The following CORO7 variants were observed in gnomAD, a reference collection of about 807,000 sequenced individuals.
The protein encoded by CORO7 is coronin 7.
In CORO7, 107 loss-of-function variants were observed where a neutral mutation model predicts 126.6. The ratio of observed to expected loss-of-function variants is 0.85; its 90% confidence interval spans 0.72 to 0.99. The LOEUF (loss-of-function observed/expected upper bound fraction) is 0.99, where lower values mean the gene tolerates loss of function less well. CORO7 is among the 50% of genes least tolerant of loss of function. CORO7 has a pLI of 0.00. For synonymous variants in CORO7, 603 were observed against 536.8 expected (o/e 1.12, Z -1.70); for missense variants, 1,314 against 1,255.8 (o/e 1.05, Z -0.70).
chr16:4,365,416 T>A lies in CORO7; in HGVS notation c.840+75A>T. 3 of 1,542,012 alleles carry A rather than the reference T, an allele frequency of 1.9e-6. No homozygotes were observed. The South Asian group carries it at 3.6e-5, about 19-fold the overall frequency. On this transcript the variant is annotated intron_variant, in intron 10 of 27. Transcript: ENST00000251166. ...GACACAGAGGCCCTGTTCGAGTTCC[T>A]CCTCTCTCTTGGGGAAGGCCAGGGG...
intron 3 of CORO7, 103 bp downstream of exon 3, chr16:4,412,253 C>T (rs1300917059): frequency 5.4e-5 from 71 of 1,308,728 alleles, no homozygotes; most frequent in Non-Finnish European, 7.5e-5. Flanking sequence ...CAGGAGGGAC[C>T]TGGCAAGCCA....
Position 4,416,475 on chromosome 16 carries a change from C to T in CORO7, c.44G>A (p.Arg15Gln). 1 of 1,577,062 alleles carries T rather than the reference C, an allele frequency of 6.3e-7. No homozygotes were observed. Among genetic ancestry groups the T allele is most frequent in the Non-Finnish European group, 8.6e-7 (1 of 1,165,184 alleles). ...CGGACTCACCTCGCGGCGGGGCGGCCGAGCCTCGGTGTGCCGGAACTTGGA... is the reference window on the plus strand; with the variant it reads ...CGGACTCACCTCGCGGCGGGGCGGCTGAGCCTCGGTGTGCCGGAACTTGGA... ...RVSKFRHTEA[R>Q]PPRRESWISD... Residue 15 changes from arginine (R) to glutamine (Q), a missense_variant, in exon 1 of 28, where the codon CGG becomes CAG. Transcript: ENST00000251166.
At position 4,388,635 on chromosome 16, in the gene CORO7, C is replaced by T. The variant is rs2055279362; in HGVS notation, c.616-4G>A. The T allele has an allele frequency of 1.9e-6, 3 of 1,609,918 alleles. No homozygotes were observed. The highest frequency in any genetic ancestry group is 2.2e-5 in the South Asian group (2 of 90,228). ...TGTTCTCATGGGCCTGCGTGCTCTGCAGGAGGCAAGAGGTGGACCTGAGCC... is the reference window on the plus strand; with the variant it reads ...TGTTCTCATGGGCCTGCGTGCTCTGTAGGAGGCAAGAGGTGGACCTGAGCC... On this transcript the variant is annotated splice_polypyrimidine_tract_variant and splice_region_variant and intron_variant, in intron 7 of 27. Transcript: ENST00000251166.
At chr16:4,376,241 C>T (rs918607532) in intron 9 of CORO7, among the ~76,000 whole-genome samples, 7 of 152,216 alleles carry the variant, frequency 4.6e-5, no homozygotes, top group African/African-American at 7.2e-5. Context: ...CGGACCCAGC[C>T]GGGCCCTGAG....
At chr16:4,403,967 C>G (rs1322727893) in intron 6 of CORO7, among the ~76,000 whole-genome samples, 2 of 152,186 alleles carry the variant, frequency 1.3e-5, no homozygotes, top group Admixed American at 1.3e-4. Flanking sequence ...GGTCAAAGCA[C>G]GCATACCAGG....
In CORO7 at chr16:4,362,867, C is replaced by G. The variant is rs740375; in HGVS notation, c.1276-129G>C. The G allele has an allele frequency of 0.56, 651,964 of 1,153,978 alleles. 185,907 individuals are homozygous for G. Among genetic ancestry groups the G allele is most frequent in the African/African-American group, 0.68 (42,396 of 62,704 alleles). 71.5% of individuals were successfully genotyped at this position (1,153,978 alleles called of 1,614,324 possible). ...TGGAGGAGCCCCCACTGTGGGCATG[C>G]GACAGGAGCGGCGGGGGGCACGGGC... is the stretch of plus-strand genomic sequence containing the variant. On this transcript the variant is annotated intron_variant, in intron 14 of 27. Coordinates refer to ENST00000251166, the MANE Select transcript of CORO7 (RefSeq NM_024535.5). This position sits in a 1 kb window ranked among gnomAD's most constrained non-coding sequence, Gnocchi z 5.3.
intron 1 of CORO7, chr16:4,413,634 T>A (rs1231515245): frequency 2.4e-6 from 1 of 423,888 alleles, no homozygotes; most frequent in African/African-American, 2.1e-5. Context: ...GCCTCTTGGG[T>A]TCAAGTGATC....
At chr16:4,376,464 G>A (rs918542588) in intron 9 of CORO7, among the ~76,000 whole-genome samples, 10 of 152,182 alleles carry the variant, frequency 6.6e-5, no homozygotes, top group Non-Finnish European at 1.5e-4. Flanking sequence ...GAAGCATACG[G>A]CACAGGAGGG....
chr16:4,365,248 G>A (rs2054311479), intron 10 of CORO7, among the ~76,000 whole-genome samples, 188 bp from the exon 11 acceptor site: 2 of 152,192 alleles, frequency 1.3e-5, no homozygotes, highest in Non-Finnish European at 1.5e-5. Flanking sequence ...GCTCAGCCTC[G>A]TTGCACATGG....
Position 4,365,061 on chromosome 16 carries a change from C to T in CORO7, c.841-1G>A. On this transcript the variant is annotated splice_acceptor_variant, in intron 10 of 27. Coordinates refer to ENST00000251166, the MANE Select transcript of CORO7 (RefSeq NM_024535.5). LOFTEE classifies it high-confidence loss of function. ...CGTAACAGTACAGCTGCCTCTCGCC[C>T]TGAAATGAGTCTGAACTGAGCCCCG... The T allele has an allele frequency of 1.9e-6, 3 of 1,597,252 alleles. No individual in the cohort carries two copies. Among genetic ancestry groups the T allele is most frequent in the Non-Finnish European group, 2.6e-6 (3 of 1,172,078 alleles).
In CORO7 at chr16:4,354,728, G is replaced by A. The variant is rs139882114; in HGVS notation, c.*430C>T. Reference sequence around the variant, plus strand: ...CTGGTGCTGCTCTAGAAGGCCTGGTGGGGGGCCAGCCCCCAAGGCCCTTGA... The same window carrying A: ...CTGGTGCTGCTCTAGAAGGCCTGGTAGGGGGCCAGCCCCCAAGGCCCTTGA... On this transcript the variant is annotated 3_prime_UTR_variant, in exon 28 of 28. Coordinates refer to ENST00000251166, the MANE Select transcript of CORO7 (RefSeq NM_024535.5). The A allele has an allele frequency of 6.0e-3, 1,171 of 195,972 alleles. 20 individuals carry two copies. Among genetic ancestry groups the A allele is most frequent in the African/African-American group, 0.025 (1,095 of 43,328 alleles). 12.1% of individuals were successfully genotyped at this position (195,972 alleles called of 1,614,324 possible).
intron 3 of CORO7, among the ~76,000 whole-genome samples, 163 bp downstream of exon 3, chr16:4,412,193 G>A (rs540689710): frequency 1.4e-4 from 21 of 152,280 alleles, no homozygotes; most frequent in African/African-American, 4.6e-4. Flanking sequence ...TACACCAGGA[G>A]GAAGCCTTCT....
At chr16:4,355,757 C>T (rs765143867) in intron 26 of CORO7, 29 of 201,110 alleles carry the variant, frequency 1.4e-4, no homozygotes, top group Admixed American at 3.7e-4. Context: ...GCGTGAGCCA[C>T]AGCGCCCGGC....
At chr16:4,372,167 C>G (rs1459420119) in intron 9 of CORO7, among the ~76,000 whole-genome samples, 1 of 151,968 alleles carries the variant, frequency 6.6e-6, no homozygotes, top group Non-Finnish European at 1.5e-5. Context: ...TACGCTCCCT[C>G]CCCCGCCGTC....
At position 4,358,087 on chromosome 16, in the gene CORO7, TC is replaced by T; in HGVS notation, c.2473del (p.Asp825MetfsTer9). 6.2e-7 allele frequency: 1 copy of T among 1,612,242 alleles called. No homozygotes were observed. The highest frequency in any genetic ancestry group is 8.5e-7 in the Non-Finnish European group (1 of 1,178,846). On this transcript the variant is annotated frameshift_variant, in exon 25 of 28. Transcript: ENST00000251166. LOFTEE classifies it high-confidence loss of function. ...CACAGCCGTGTCTGGGAACACGTCATCCTGGAAGAACTCTTTCTGCAGAGGG... is the reference window on the plus strand; with the variant it reads ...CACAGCCGTGTCTGGGAACACGTCATCTGGAAGAACTCTTTCTGCAGAGGG... ...LPRVRKEFFQ[D>X]DVFPDTAVIW...
At chr16:4,355,425 C>T in intron 26 of CORO7, 53 bp from the exon 27 acceptor site, 1 of 1,560,738 alleles carries the variant, frequency 6.4e-7, no homozygotes, top group Non-Finnish European at 8.7e-7. Context: ...TCCCTGTTCC[C>T]TCTCCCACTC....
chr16:4,377,032 G>A (rs557049153), intron 9 of CORO7, among the ~76,000 whole-genome samples: 2 of 152,212 alleles, frequency 1.3e-5, no homozygotes, highest in Admixed American at 6.5e-5. Context: ...CAGGCACCAC[G>A]AGCACCACGA....
At chr16:4,381,801 G>A (rs764979455) in intron 9 of CORO7, 2 of 1,600,488 alleles carry the variant, frequency 1.2e-6, no homozygotes, top group South Asian at 1.1e-5. Context: ...CCCTGAGCTG[G>A]TTTGGCCCCT....
chr16:4,411,218 C>T (rs2056196699), intron 3 of CORO7, among the ~76,000 whole-genome samples: 1 of 152,162 alleles, frequency 6.6e-6, no homozygotes, highest in Non-Finnish European at 1.5e-5. Context: ...AACAAGACCC[C>T]ATTTTACAAA....
Sources: allele counts gnomAD v4.1 joint callset (sites outside exome capture counted in the v4.1 genomes callset), GRCh38; gene constraint gnomAD v4.1.1; non-coding constraint Gnocchi (gnomAD v3.1); transcripts MANE v1.5; gene names NCBI Gene and HGNC (gene_info 2026-07-23, HGNC 2026-07-21).